The following RIF1 variants were observed in gnomAD, a reference collection of about 807,000 sequenced individuals.
The protein encoded by RIF1 is replication timing regulatory factor 1, also known as telomere-associated protein RIF1.
In RIF1, 45 loss-of-function variants were observed where a neutral mutation model predicts 247.1. That is an observed-to-expected ratio of 0.18 (90% CI 0.14 to 0.23). The LOEUF (loss-of-function observed/expected upper bound fraction) is 0.23, where lower values mean the gene tolerates loss of function less well. RIF1 is among the 10% of genes least tolerant of loss of function. The probability of loss-of-function intolerance (pLI) is 1.00; values close to 1 mark genes in which losing one functional copy is unlikely to be tolerated. For synonymous variants in RIF1, 1,087 were observed against 978.8 expected (o/e 1.11, Z -2.06); for missense variants, 2,967 against 2,862.5 (o/e 1.04, Z -0.83).
At chr2:151,527,684 A>G in the RIF1 span, 1 of 795,598 alleles carries the variant, frequency 1.3e-6, no homozygotes, top group South Asian at 1.7e-5. Flanking sequence ...AAAACATCTC[A>G]AATCATGATT....
chr2:151,422,359 A>T (rs1293779525), intron 7 of RIF1, among the ~76,000 whole-genome samples: 1 of 152,024 alleles, frequency 6.6e-6, no homozygotes, highest in African/African-American at 2.4e-5. Flanking sequence ...GGATTGATGG[A>T]TGGTAGGATG....
In RIF1 at chr2:151,433,064, A is replaced by G. The variant is rs1690478874; in HGVS notation, c.926-13A>G. 1 of 1,601,664 alleles carries G rather than the reference A, an allele frequency of 6.2e-7. No individual in the cohort carries two copies. Among genetic ancestry groups the G allele is most frequent in the Admixed American group, 1.7e-5 (1 of 58,948 alleles). ...TGGACGTCTCTTTAACTGTGTGCTT[A>G]TTTTCTTTTAAGATATACTATGTAG... is the stretch of plus-strand genomic sequence containing the variant. On this transcript the variant is annotated splice_polypyrimidine_tract_variant and intron_variant, in intron 9 of 35. Transcript: ENST00000444746.
intron 10 of RIF1, chr2:151,498,060 A>G (rs2061500169): frequency 2.1e-6 from 3 of 1,454,546 alleles, no homozygotes; most frequent in Middle Eastern, 3.9e-4. Flanking sequence ...TATTTTTAAA[A>G]CATGTTTGTT....
intron 34 of RIF1, among the ~76,000 whole-genome samples, chr2:151,473,546 C>G (rs2048738606): frequency 6.6e-6 from 1 of 152,006 alleles, no homozygotes; most frequent in Non-Finnish European, 1.5e-5. Flanking sequence ...TCCCAAAGTG[C>G]TGGAATTACA....
the RIF1 span, chr2:151,527,435 C>A: frequency 7.7e-7 from 1 of 1,302,020 alleles, no homozygotes. Context: ...TTGTATTTCT[C>A]AGGTGCAGTA....
chr2:151,528,391 A>T, the RIF1 span, among the ~76,000 whole-genome samples: 1 of 152,272 alleles, frequency 6.6e-6, no homozygotes, highest in Non-Finnish European at 1.5e-5. Flanking sequence ...TTTTCCCCTC[A>T]TTTTATTTTG....
rs1489581077 is a variant in RIF1 at position 151,497,631 on chromosome 2, T to A, written c.*514-1714T>A. ...TTCTTTTCTTGCCAAAGTACCGAGC[T>A]AATATTTTCTTGATTGTGTTTGACT... On this transcript the variant is annotated intron_variant and NMD_transcript_variant, in intron 10 of 13. Transcript: ENST00000454583. 1.9e-6 allele frequency: 3 copies of A among 1,573,354 alleles called. No individual in the cohort carries two copies. In the Admixed American group the frequency reaches 5.6e-5, roughly 29 times the overall value.
At position 151,491,690 on chromosome 2, in the gene RIF1, CAT is replaced by C. The variant is rs1472403020; in HGVS notation, c.*416-3538_*416-3537del. The C allele has an allele frequency of 2.5e-6, 4 of 1,588,588 alleles. No homozygotes were observed. The highest frequency in any genetic ancestry group is 1.3e-5 in the African/African-American group (1 of 74,494). ...CTTTTTCAGCTAACACACCATTAATCATGTGTAAGCTTCGGGACTGGATGTTG... is the reference window on the plus strand; with the variant it reads ...CTTTTTCAGCTAACACACCATTAATCGTGTAAGCTTCGGGACTGGATGTTG... On this transcript the variant is annotated intron_variant and NMD_transcript_variant, in intron 9 of 13. Coordinates refer to the RIF1 transcript ENST00000454583.
the RIF1 span, chr2:151,534,357 A>T: frequency 6.4e-7 from 1 of 1,554,674 alleles, no homozygotes; most frequent in Non-Finnish European, 8.9e-7. Flanking sequence ...CAAGAGTACA[A>T]CTTCAAGGCT....
chr2:151,432,735 C>T (rs1409124758), intron 9 of RIF1, among the ~76,000 whole-genome samples: 1 of 152,150 alleles, frequency 6.6e-6, no homozygotes, highest in East Asian at 1.9e-4. Flanking sequence ...AGTTTAGTAG[C>T]GTCCGTAGTC....
At chr2:151,493,587 G>A (rs1345604376) in intron 9 of RIF1, 4 of 746,486 alleles carry the variant, frequency 5.4e-6, no homozygotes, top group African/African-American at 5.3e-5. Flanking sequence ...ACGGTAGGAA[G>A]CAAAAGTTTA....
Position 151,476,727 on chromosome 2 carries a change from C to T in RIF1, c.*1656C>T, listed in dbSNP as rs890285454. On this transcript the variant is annotated 3_prime_UTR_variant, in exon 36 of 36. Transcript: ENST00000444746. Reference sequence around the variant, plus strand: ...AGTAACTAAAGAAAAATACTAATTTCCTTAAAAGGAATTATAATTATGATT... The same window carrying T: ...AGTAACTAAAGAAAAATACTAATTTTCTTAAAAGGAATTATAATTATGATT... 1 of 152,072 alleles carries T rather than the reference C, an allele frequency of 6.6e-6. No homozygotes were observed. The highest frequency in any genetic ancestry group is 2.4e-5 in the African/African-American group (1 of 41,400). The allele number at this position is 152,072 out of a possible 1,614,324, so 9.4% of individuals were successfully genotyped here. A position where few individuals can be genotyped will look rare whatever the true frequency, so the allele number is the denominator to read the frequency against.
chr2:151,490,091 G>A (rs776453091), intron 9 of RIF1: 1 of 1,577,268 alleles, frequency 6.3e-7, no homozygotes, highest in Admixed American at 1.8e-5. Context: ...AAAAAAAGGG[G>A]GCAAATTCTT....
chr2:151,487,145 G>C (rs2051337900), downstream of RIF1, among the ~76,000 whole-genome samples: 1 of 152,160 alleles, frequency 6.6e-6, no homozygotes, highest in African/African-American at 2.4e-5. Context: ...GAAGAGGTCA[G>C]TCTTGTATTT....
chr2:151,503,240 C>G, intron 12 of RIF1: 2 of 800,292 alleles, frequency 2.5e-6, no homozygotes, highest in Non-Finnish European at 4.2e-6. Flanking sequence ...ACAACACACA[C>G]AGACACACAC....
chr2:151,466,304 C>T (rs1574141145), intron 30 of RIF1, among the ~76,000 whole-genome samples, 184 bp downstream of exon 30: 1 of 152,144 alleles, frequency 6.6e-6, no homozygotes, highest in Non-Finnish European at 1.5e-5. Context: ...GAGACTGAAG[C>T]CTTTTAGATA....
chr2:151,435,981 T>C (rs772482089), intron 11 of RIF1, among the ~76,000 whole-genome samples: 25 of 152,182 alleles, frequency 1.6e-4, no homozygotes, highest in Non-Finnish European at 2.6e-4. Context: ...CCTAGCACTT[T>C]GGGAGGCCGA....
intron 13 of RIF1, 78 bp from the exon 14 acceptor site, chr2:151,438,606 A>G: frequency 1.1e-6 from 1 of 879,218 alleles, no homozygotes; most frequent in Admixed American, 1.8e-5. Context: ...AATGTAAGGA[A>G]GTAAAGGGAG....
In RIF1 at chr2:151,411,282, A is replaced by G; in HGVS notation, c.127A>G (p.Lys43Glu). ...AAGTCGTATGACTGGAGAAGAAGGA[A>G]AAGAAGTAATTACAGAAATTGAGAA... ...LTSRMTGEEG[K>E]EVITEIEKKL... The change falls in exon 3 of 36, where the codon AAA becomes GAA. Residue 43 changes from lysine (K) to glutamate (E), a missense_variant. Physicochemically the swap from Lys to Glu is moderately conservative, Grantham distance 56. Transcript: ENST00000444746. The G allele has an allele frequency of 3.7e-6, 6 of 1,604,662 alleles. No individual in the cohort carries two copies. The highest frequency in any genetic ancestry group is 8.5e-7 in the Non-Finnish European group (1 of 1,173,870).
Sources: allele counts gnomAD v4.1 joint callset (sites outside exome capture counted in the v4.1 genomes callset), GRCh38; gene constraint gnomAD v4.1.1; transcripts MANE v1.5; gene names NCBI Gene and HGNC (gene_info 2026-07-23, HGNC 2026-07-21).